Variants in GAK observed in about 807,000 individuals in gnomAD.
GAK encodes cyclin-G-associated kinase.
GAK carries 79 observed loss-of-function variants against 143.9 expected under a neutral mutation model. The ratio of observed to expected loss-of-function variants is 0.55; its 90% CI spans 0.46 to 0.66. The LOEUF (loss-of-function observed/expected upper bound fraction) is 0.66, where lower values mean the gene tolerates loss of function less well. Ranked by LOEUF, GAK falls within the 30% of genes least tolerant of loss-of-function variation. The pLI is 0.00. For synonymous variants in GAK, 881 were observed against 765.5 expected, an observed-to-expected ratio of 1.15 and a Z score of -2.49; for missense variants, 1,693 against 1,779.7, an observed-to-expected ratio of 0.95 and a Z score of 0.88.
rs765804106 is a variant in GAK at position 911,768 on chromosome 4, G to A, written c.287C>T (p.Pro96Leu). ...VCFMKKLSGHPNIVQFCSAAS... is the reference protein window; with the variant it reads ...VCFMKKLSGHLNIVQFCSAAS... ...TGCAGAACAAAACTGGACAATGTTC[G>A]GGTGGCCGGAAAGCTTTTTCTGCAG... is the stretch of plus-strand genomic sequence containing the variant. The change falls in exon 4 of 28, where the codon CCG becomes CTG. Residue 96 changes from proline (P) to leucine (L), a missense_variant. By Grantham distance (98) the Pro-to-Leu change is moderately conservative. This residue lies in a region of GAK where 871 missense variants were observed against 991.0 expected (regional missense o/e 0.88). Coordinates refer to ENST00000314167, the MANE Select transcript of GAK (RefSeq NM_005255.4). 4.3e-6 allele frequency: 7 copies of A among 1,613,748 alleles called. No individual in the cohort carries two copies. Among genetic ancestry groups the A allele is most frequent in the Admixed American group, 1.7e-5 (1 of 59,996 alleles).
Position 865,053 on chromosome 4 carries a change from T to C in GAK, c.3166+69A>G, listed in dbSNP as rs568404556. The C allele has an allele frequency of 5.1e-6, 8 of 1,565,448 alleles. No homozygotes were observed. In the South Asian group the frequency reaches 9.1e-5, roughly 18 times the overall value. On this transcript the variant is annotated intron_variant, in intron 23 of 27. Transcript: ENST00000314167. ...CAGAGAGGGCCCTGTTACAGGTACGTGTGAAATAGAGACGGGCCACAGCAG... is the reference window on the plus strand; with the variant it reads ...CAGAGAGGGCCCTGTTACAGGTACGCGTGAAATAGAGACGGGCCACAGCAG...
At chr4:918,720 G>T (rs189770572) in intron 1 of GAK, among the ~76,000 whole-genome samples, 4 of 152,372 alleles carry the variant, frequency 2.6e-5, no homozygotes, top group Non-Finnish European at 5.9e-5. Context: ...CTCATTTTCA[G>T]ATGCCATGAC....
chr4:928,839 C>T (rs1297591093), intron 1 of GAK, among the ~76,000 whole-genome samples: 1 of 152,136 alleles, frequency 6.6e-6, no homozygotes, highest in African/African-American at 2.4e-5. Flanking sequence ...TCTTGGCTCA[C>T]CGCATCCTCC....
At chr4:894,978 CAAATAAATAAAT>C (rs1553885659) in intron 7 of GAK, among the ~76,000 whole-genome samples, 24 of 126,566 alleles carry the variant, frequency 1.9e-4, no homozygotes, top group East Asian at 6.7e-4. Context: ...GACTCTGTCT[CAAATAAATAAAT>C]AAATAAATAA....
chr4:890,594 C>T lies in GAK; in HGVS notation c.1019G>A (p.Ser340Asn), dbSNP rs781532986. 10 of 1,611,390 alleles carry T rather than the reference C, an allele frequency of 6.2e-6. No homozygotes were observed. The highest frequency in any genetic ancestry group is 2.2e-5 in the South Asian group (2 of 90,742). Residue 340 changes from serine (S) to asparagine (N), a missense_variant, in exon 10 of 28, where the codon AGC becomes AAC. Around this residue, in one of 2 missense-constraint regions of GAK, gnomAD observed 871 missense variants for 991.0 expected, o/e 0.88. Transcript: ENST00000314167. The stretch of plus-strand genomic sequence containing the variant: ...GGGTGGCCCTCGGGACAGTGTGGCG[C>T]TCCCGTAGCCTCCATTCTGCTCCAG... ...ELLEQNGGYG[S>N]ATLSRGPPPP...
chr4:898,183 C>T (rs746060825), intron 5 of GAK, 25 bp from the exon 6 acceptor site: 16 of 1,612,462 alleles, frequency 9.9e-6, no homozygotes, highest in East Asian at 4.5e-5. Context: ...AAGACAGCCC[C>T]GTGAACTTGG....
At chr4:897,045 C>T (rs537495981) in intron 6 of GAK, among the ~76,000 whole-genome samples, 6 of 152,316 alleles carry the variant, frequency 3.9e-5, no homozygotes, top group East Asian at 3.9e-4. Context: ...GAGGCACTTG[C>T]GAGAGGCAGA....
chr4:888,426 C>G (rs138821178), intron 11 of GAK: 1 of 176,240 alleles, frequency 5.7e-6, no homozygotes, highest in African/African-American at 2.4e-5. Flanking sequence ...CAGAGGGAGA[C>G]TTTCTCCCAC....
intron 24 of GAK, among the ~76,000 whole-genome samples, chr4:858,372 C>T (rs200744095): frequency 2.0e-5 from 3 of 152,284 alleles, no homozygotes; most frequent in East Asian, 1.9e-4. Context: ...AGCCAGCAGG[C>T]GGAGGGCTGG....
intron 15 of GAK, among the ~76,000 whole-genome samples, chr4:880,872 G>T (rs1375048887): frequency 1.3e-5 from 2 of 152,208 alleles, no homozygotes; most frequent in African/African-American, 4.8e-5. Flanking sequence ...CACAGGGAAA[G>T]AGACTCCCTG....
intron 15 of GAK, among the ~76,000 whole-genome samples, chr4:881,215 G>A (rs1006529422): frequency 4.6e-5 from 7 of 152,182 alleles, no homozygotes; most frequent in Non-Finnish European, 7.4e-5. Flanking sequence ...GTGGGGCCAC[G>A]GGGCCGGCCT....
At position 867,012 on chromosome 4, in the gene GAK, C is replaced by A; in HGVS notation, c.2816G>T (p.Ser939Ile). The A allele has an allele frequency of 6.7e-7, 1 of 1,501,120 alleles. No individual in the cohort carries two copies. Among genetic ancestry groups the A allele is most frequent in the South Asian group, 1.4e-5 (1 of 73,716 alleles). The allele number at this position is 1,501,120 out of a possible 1,614,324, so 93.0% of individuals were successfully genotyped here. A position where few individuals can be genotyped will look rare whatever the true frequency, so the allele number is the denominator to read the frequency against. ...CTGCACGCTCAGGGGAGGGGCCGGG[C>A]TTGCCAGGAGCAGCGGGTCCTCGCT... ...LLSEDPLLLA[S>I]PAPPLSVQST... Residue 939 changes from serine (S) to isoleucine (I), a missense_variant, in exon 21 of 28, where the codon AGC becomes ATC. By Grantham distance (142) the Ser-to-Ile change is moderately radical (BLOSUM62 -2). Coordinates refer to ENST00000314167, the MANE Select transcript of GAK (RefSeq NM_005255.4).
Position 867,249 on chromosome 4 carries a change from T to TC in GAK, c.2578dup (p.Asp860GlyfsTer5). On this transcript the variant is annotated frameshift_variant, in exon 21 of 28. Transcript: ENST00000314167. LOFTEE classifies it high-confidence loss of function. ...CGGTGTCTCCACCTCAAAAACCAAG[T>TC]CCTGCTGCACCAGCCCTGCTGCCAG... The TC allele has an allele frequency of 1.2e-6, 2 of 1,612,970 alleles. No homozygotes were observed. Among genetic ancestry groups the TC allele is most frequent in the Non-Finnish European group, 1.7e-6 (2 of 1,179,628 alleles).
chr4:868,721 G>A, intron 19 of GAK, 36 bp from the exon 20 acceptor site: 3 of 1,538,652 alleles, frequency 1.9e-6, no homozygotes, highest in Non-Finnish European at 2.6e-6. Context: ...CACTGGCACT[G>A]GCCAGCAGCC....
intron 1 of GAK, among the ~76,000 whole-genome samples, chr4:916,522 A>G (rs1363114191): frequency 6.6e-6 from 1 of 152,238 alleles, no homozygotes; most frequent in Non-Finnish European, 1.5e-5. Context: ...ACGCCCAGAA[A>G]ACAACAAAAT....
chr4:870,196 A>G (rs1712241291), intron 19 of GAK, among the ~76,000 whole-genome samples: 1 of 152,210 alleles, frequency 6.6e-6, no homozygotes, highest in Non-Finnish European at 1.5e-5. Context: ...AGAAAGAAAA[A>G]GCAAACACTG....
At chr4:890,172 C>T (rs1460215091) in intron 10 of GAK, among the ~76,000 whole-genome samples, 2 of 152,198 alleles carry the variant, frequency 1.3e-5, no homozygotes, top group African/African-American at 4.8e-5. Flanking sequence ...ACAATGTGAT[C>T]TATGCTGGGG....
chr4:880,389 A>C (rs1011639288), intron 15 of GAK, among the ~76,000 whole-genome samples: 3 of 152,210 alleles, frequency 2.0e-5, no homozygotes, highest in Non-Finnish European at 4.4e-5. Flanking sequence ...AGTTTCCCCC[A>C]GAGTCACAGA....
intron 21 of GAK, 36 bp downstream of exon 21, chr4:866,920 T>C (rs770852119): frequency 1.4e-6 from 2 of 1,400,744 alleles, no homozygotes; most frequent in Non-Finnish European, 1.9e-6. Context: ...ACTCATCTAC[T>C]GTGAAGCCAC....
Sources: allele counts gnomAD v4.1 joint callset (sites outside exome capture counted in the v4.1 genomes callset), GRCh38; gene constraint gnomAD v4.1.1; regional missense constraint gnomAD v4.1.1; transcripts MANE v1.5; gene names NCBI Gene and HGNC (gene_info 2026-07-23, HGNC 2026-07-21).